Variants in SETX observed in about 807,000 individuals in gnomAD.
The protein encoded by SETX is helicase senataxin.
SETX carries 90 observed loss-of-function variants against 227.2 expected under a neutral mutation model. The ratio of observed to expected loss-of-function variants is 0.40; its 90% CI spans 0.33 to 0.47. SETX has a LOEUF of 0.47. Among genes scored for constraint, SETX ranks in the 20% least tolerant of loss-of-function variants. The probability of loss-of-function intolerance (pLI) is 0.91; values close to 1 mark genes in which losing one functional copy is unlikely to be tolerated. For synonymous variants in SETX, 1,210 were observed against 1,113.2 expected (o/e 1.09, Z -1.73); for missense variants, 3,052 against 3,181.5 (o/e 0.96, Z 0.98).
chr9:132,328,970 A>G lies in SETX; in HGVS notation c.2628T>C (p.Ile876=). ...TACAATTGTTTTCATGGAAAGAGAAAATAACTAATTCTTCATTCTTTAATT... is the reference window on the plus strand; with the variant it reads ...TACAATTGTTTTCATGGAAAGAGAAGATAACTAATTCTTCATTCTTTAATT... The part of the protein sequence containing the change: ...EKQLKNEELV[I]FSFHENNCKI... Residue 876 remains isoleucine, a synonymous_variant, in exon 10 of 26, where the codon ATT becomes ATC. Coordinates refer to ENST00000224140, the MANE Select transcript of SETX (RefSeq NM_015046.7). The G allele has an allele frequency of 6.2e-7, 1 of 1,608,822 alleles. No individual in the cohort carries two copies.
In SETX at chr9:132,275,176, T is replaced by C. The variant is rs539196775; in HGVS notation, c.7100+80A>G. On this transcript the variant is annotated intron_variant, in intron 23 of 25. Transcript: ENST00000224140. The stretch of plus-strand genomic sequence containing the variant: ...ATTTGCACAGACCACTCCTTAAGAG[T>C]TTCCCTTTTCTTCTTTCCTTCTATA... 17 of 1,483,922 alleles carry C rather than the reference T, an allele frequency of 1.1e-5. No individual in the cohort carries two copies. In the South Asian group the frequency reaches 1.7e-4, roughly 15 times the overall value. The allele number at this position is 1,483,922 out of a possible 1,614,324, so 91.9% of individuals were successfully genotyped here. A position where few individuals can be genotyped will look rare whatever the true frequency, so the allele number is the denominator to read the frequency against.
In SETX at chr9:132,327,865, T is replaced by G. The variant is rs1196248002; in HGVS notation, c.3733A>C (p.Thr1245Pro). 6.2e-7 allele frequency: 1 copy of G among 1,614,168 alleles called. No homozygotes were observed. Among genetic ancestry groups the G allele is most frequent in the South Asian group, 1.1e-5 (1 of 91,088 alleles). The change falls in exon 10 of 26, where the codon ACT becomes CCT. Residue 1245 changes from threonine to proline, a missense_variant. Physicochemically the swap from Thr to Pro is conservative, Grantham distance 38 (BLOSUM62 -1). This residue lies in a region of SETX where 1,483 missense variants were observed against 1,312.0 expected (regional missense o/e 1.13). Transcript: ENST00000224140. The part of the protein sequence containing the change: ...KVPVSKTPKK[T>P]HSDAKKGQNR... ...TGTCCTTTTTTGGCATCTGAATGAG[T>G]TTTCTTAGGGGTCTTAGAAACTGGA...
chr9:132,288,462 G>C, intron 16 of SETX, 88 bp downstream of exon 16: 3 of 1,409,478 alleles, frequency 2.1e-6, no homozygotes, highest in Non-Finnish European at 3.0e-6. Context: ...GACTAATTCT[G>C]GAGGCTTCAA....
chr9:132,342,683 C>G lies in SETX; in HGVS notation c.498+7G>C. The G allele has an allele frequency of 6.4e-7, 1 of 1,574,102 alleles. No individual in the cohort carries two copies. The highest frequency in any genetic ancestry group is 8.7e-7 in the Non-Finnish European group (1 of 1,143,604). On this transcript the variant is annotated splice_region_variant and intron_variant, in intron 5 of 25. Transcript: ENST00000224140. ...ATACCCTTCTATCGCCCAACACTCACACTCACCATTTCATTGGGATGGACT... is the reference window on the plus strand; with the variant it reads ...ATACCCTTCTATCGCCCAACACTCAGACTCACCATTTCATTGGGATGGACT...
At position 132,305,417 on chromosome 9, in the gene SETX, AT is replaced by A. The variant is rs985475303; in HGVS notation, c.5375-4615del. 3.9e-4 allele frequency among the ~76,000 whole-genome samples: 59 copies of A among 151,606 alleles called. No individual in the cohort carries two copies. The South Asian group carries it at 5.2e-3, about 13-fold the overall frequency. On this transcript the variant is annotated intron_variant, in intron 11 of 25. Coordinates refer to ENST00000224140, the MANE Select transcript of SETX (RefSeq NM_015046.7). ...AAAAATGAAAAAAAATTTAAAAAAAATTTTTTTTTAAAAAGGACAAGAAACT... is the reference window on the plus strand; with the variant it reads ...AAAAATGAAAAAAAATTTAAAAAAAATTTTTTTTAAAAAGGACAAGAAACT...
intron 15 of SETX, among the ~76,000 whole-genome samples, chr9:132,289,069 T>C (rs946774482): frequency 2.6e-5 from 4 of 152,094 alleles, no homozygotes; most frequent in African/African-American, 7.2e-5. Flanking sequence ...AAACCAGCCA[T>C]AAAAATATGG....
intron 2 of SETX, among the ~76,000 whole-genome samples, chr9:132,350,049 A>C (rs1848521724): frequency 6.6e-6 from 1 of 152,310 alleles, no homozygotes; most frequent in African/African-American, 2.4e-5. Flanking sequence ...AAAGGTTAGA[A>C]GGAGGTTAAA....
chr9:132,288,524 T>TGGGGG, intron 16 of SETX, 26 bp downstream of exon 16: 1 of 1,543,202 alleles, frequency 6.5e-7, no homozygotes, highest in Non-Finnish European at 9.0e-7. Context: ...GAGAAAACAC[T>TGGGGG]AGTATATACC....
intron 18 of SETX, among the ~76,000 whole-genome samples, chr9:132,285,113 G>A (rs1292256373): frequency 3.3e-5 from 5 of 151,970 alleles, no homozygotes; most frequent in Admixed American, 6.6e-5. Flanking sequence ...TCCTGACCTC[G>A]TGATCCGCCC....
intron 23 of SETX, among the ~76,000 whole-genome samples, chr9:132,273,198 C>T (rs1043140321): frequency 3.3e-5 from 5 of 151,846 alleles, no homozygotes; most frequent in African/African-American, 1.2e-4. Flanking sequence ...ATTTCGCTCT[C>T]GTCGCCCAGG....
intron 11 of SETX, among the ~76,000 whole-genome samples, chr9:132,308,322 A>G (rs999975002): frequency 2.0e-5 from 3 of 152,214 alleles, no homozygotes; most frequent in African/African-American, 7.2e-5. Context: ...GTATCAATAT[A>G]CAGGAAACAC....
intron 10 of SETX, among the ~76,000 whole-genome samples, chr9:132,315,684 C>A (rs911835710): frequency 6.6e-6 from 1 of 152,226 alleles, no homozygotes; most frequent in South Asian, 2.1e-4. Flanking sequence ...AACTTAACCA[C>A]TGCTGCACAA....
At chr9:132,283,228 T>A in intron 19 of SETX, 36 bp downstream of exon 19, 2 of 1,612,970 alleles carry the variant, frequency 1.2e-6, no homozygotes, top group Non-Finnish European at 1.7e-6. Context: ...CTCCTCATAG[T>A]AGTAGTCAAA....
At chr9:132,282,425 A>T (rs989914436) in intron 19 of SETX, among the ~76,000 whole-genome samples, 6 of 151,792 alleles carry the variant, frequency 4.0e-5, no homozygotes, top group Admixed American at 6.6e-5. Flanking sequence ...AATAACTGGA[A>T]TGACAGGCAC....
intron 15 of SETX, 63 bp downstream of exon 15, chr9:132,295,809 C>G: frequency 6.7e-7 from 1 of 1,487,274 alleles, no homozygotes; most frequent in Non-Finnish European, 9.2e-7. Context: ...CTTTGTCATT[C>G]AAAGTTGCCT....
chr9:132,334,090 T>G (rs1045083444), intron 7 of SETX, among the ~76,000 whole-genome samples: 1 of 152,124 alleles, frequency 6.6e-6, no homozygotes, highest in African/African-American at 2.4e-5. Flanking sequence ...CCACCAACTT[T>G]TTCATCATGA....
intron 11 of SETX, among the ~76,000 whole-genome samples, chr9:132,309,479 G>A (rs1845523652): frequency 6.6e-6 from 1 of 151,926 alleles, no homozygotes; most frequent in Non-Finnish European, 1.5e-5. Context: ...CTCTGTAAAG[G>A]GCCAGATAGG....
chr9:132,319,282 T>C (rs756759304), intron 10 of SETX, among the ~76,000 whole-genome samples: 46 of 152,168 alleles, frequency 3.0e-4, no homozygotes, highest in Non-Finnish European at 1.5e-4. Context: ...CCTTGACTGG[T>C]CAACTGCATT....
chr9:132,284,035 G>A (rs144335145), intron 18 of SETX, among the ~76,000 whole-genome samples: 30 of 152,268 alleles, frequency 2.0e-4, no homozygotes, highest in African/African-American at 6.5e-4. Context: ...GATTCAGTTT[G>A]CTGCTTTTTG....
Sources: gnomAD v4.1 joint callset for allele counts (sites outside exome capture counted in the v4.1 genomes callset) on GRCh38, gnomAD v4.1.1 for gene constraint, gnomAD v4.1.1 regional missense constraint, MANE v1.5 for transcripts, NCBI Gene and HGNC (gene_info 2026-07-23, HGNC 2026-07-21) for gene names.